The following MSRA variants were observed in gnomAD, a reference collection of about 807,000 sequenced individuals.
MSRA encodes mitochondrial peptide methionine sulfoxide reductase.
In MSRA, 54 loss-of-function variants were observed where a neutral mutation model predicts 31.3. The ratio of observed to expected loss-of-function variants is 1.73; its 90% CI spans 1.39 to 2.17. The LOEUF is 2.17. Among genes scored for constraint, MSRA ranks in the 30% most tolerant of loss-of-function variants. The probability of loss-of-function intolerance (pLI) is 0.00; values close to 1 mark genes in which losing one functional copy is unlikely to be tolerated. For synonymous variants in MSRA, 169 were observed against 116.5 expected (o/e 1.45, Z -2.90); for missense variants, 507 against 300.9 (o/e 1.69, Z -5.07).
intron 5 of MSRA, among the ~76,000 whole-genome samples, chr8:10,393,801 G>A (rs1410195495): frequency 6.6e-6 from 1 of 152,218 alleles, no homozygotes; most frequent in African/African-American, 2.4e-5. Context: ...ATTGAATTGA[G>A]ACAGTTTTGT....
At chr8:10,073,084 C>A (rs183775538) in intron 1 of MSRA, among the ~76,000 whole-genome samples, 7 of 152,122 alleles carry the variant, frequency 4.6e-5, no homozygotes, top group Admixed American at 3.9e-4. Context: ...TGCCTTATTT[C>A]AGTGGCTAGA....
At chr8:10,214,255 G>T in intron 2 of MSRA, among the ~76,000 whole-genome samples, 1 of 152,154 alleles carries the variant, frequency 6.6e-6, no homozygotes. Context: ...CGGAGCAGGG[G>T]CCCGTGGCTG....
chr8:10,365,537 CATTT>C, intron 5 of MSRA, among the ~76,000 whole-genome samples: 1 of 152,232 alleles, frequency 6.6e-6, no homozygotes, highest in Non-Finnish European at 1.5e-5. Context: ...AAGGGACTAG[CATTT>C]GATGGAGAGT....
rs141136386 is a variant in MSRA at position 10,124,012 on chromosome 8, C to T, written c.142+69354C>T. Among the ~76,000 whole-genome samples the T allele has an allele frequency of 3.8e-4, 58 of 151,908 alleles. 1 individual carries two copies. The East Asian group carries it at 7.5e-3, about 20-fold the overall frequency. ...TGAAGACAGTAGAAGTTCTGGGAGG[C>T]TGAGGTTGGGGAATGGCCCTTTGAC... On this transcript the variant is annotated intron_variant, in intron 1 of 5. Transcript: ENST00000317173.
At chr8:10,166,978 A>G (rs1262190155) in intron 1 of MSRA, among the ~76,000 whole-genome samples, 5 of 152,176 alleles carry the variant, frequency 3.3e-5, no homozygotes, top group South Asian at 2.1e-4. Flanking sequence ...CACCCAACCT[A>G]TGAGAAGAGG....
intron 1 of MSRA, among the ~76,000 whole-genome samples, chr8:10,201,420 G>T (rs1420377914): frequency 6.6e-6 from 1 of 152,110 alleles, no homozygotes; most frequent in Non-Finnish European, 1.5e-5. Flanking sequence ...CTCCCAAGAT[G>T]GCAGCTGCTG....
Position 10,117,941 on chromosome 8 carries a change from C to T in MSRA, c.142+63283C>T, listed in dbSNP as rs193191682. Among the ~76,000 whole-genome samples the T allele has an allele frequency of 2.8e-4, 43 of 152,270 alleles. 4 individuals are homozygous for T. The East Asian group carries it at 5.2e-3, about 18-fold the overall frequency. On this transcript the variant is annotated intron_variant, in intron 1 of 5. Coordinates refer to ENST00000317173, the MANE Select transcript of MSRA (RefSeq NM_012331.5). ...AACCTTTCATCTTGATCAGGAGATG[C>T]TGAAGGTAGAACATAAACAAAAACA...
intron 2 of MSRA, among the ~76,000 whole-genome samples, chr8:10,236,580 G>A (rs908472102): frequency 2.0e-5 from 3 of 152,042 alleles, no homozygotes; most frequent in Admixed American, 6.5e-5. Context: ...AGTCTCACTC[G>A]CTCACTCAAG....
At chr8:10,156,524 A>G (rs1032932506) in intron 1 of MSRA, among the ~76,000 whole-genome samples, 1 of 152,154 alleles carries the variant, frequency 6.6e-6, no homozygotes, top group African/African-American at 2.4e-5. Context: ...ATTCAATGCT[A>G]TATCGTTTGT....
At chr8:10,375,910 G>T (rs145279572) in intron 5 of MSRA, among the ~76,000 whole-genome samples, 2 of 152,308 alleles carry the variant, frequency 1.3e-5, no homozygotes, top group African/African-American at 4.8e-5. Context: ...AGGTCAATAC[G>T]ATCAGTGCTA....
intron 2 of MSRA, among the ~76,000 whole-genome samples, chr8:10,222,030 T>G (rs1810556554): frequency 6.6e-6 from 1 of 151,706 alleles, no homozygotes; most frequent in South Asian, 2.1e-4. Context: ...TAACATTTAT[T>G]TTGCACACTA....
At chr8:10,358,615 C>T (rs1229135084) in intron 5 of MSRA, among the ~76,000 whole-genome samples, 12 of 88,418 alleles carry the variant, frequency 1.4e-4, no homozygotes, top group East Asian at 5.0e-4. Flanking sequence ...TTTTTTGAGA[C>T]GGAGTCTCGC....
chr8:10,124,404 G>A (rs1021226150), intron 1 of MSRA, among the ~76,000 whole-genome samples: 1 of 152,126 alleles, frequency 6.6e-6, no homozygotes, highest in East Asian at 1.9e-4. Flanking sequence ...AACCAGACCC[G>A]TTTTTCTGTA....
intron 1 of MSRA, among the ~76,000 whole-genome samples, chr8:10,078,148 G>A (rs771651421): frequency 6.6e-6 from 1 of 152,184 alleles, no homozygotes. Flanking sequence ...AGCAACAGGT[G>A]TTTTGGATGG....
intron 5 of MSRA, among the ~76,000 whole-genome samples, chr8:10,400,583 G>A (rs1202988226): frequency 6.6e-6 from 1 of 152,216 alleles, no homozygotes; most frequent in South Asian, 2.1e-4. Flanking sequence ...CCTTGAGGCT[G>A]TAACAAGCTG....
At chr8:10,118,518 C>T (rs1376058374) in intron 1 of MSRA, among the ~76,000 whole-genome samples, 2 of 152,094 alleles carry the variant, frequency 1.3e-5, no homozygotes, top group South Asian at 4.2e-4. Flanking sequence ...TCTATTTCCC[C>T]CACCATAGAG....
intron 1 of MSRA, among the ~76,000 whole-genome samples, chr8:10,055,566 GC>G (rs1210280191): frequency 6.6e-6 from 1 of 152,198 alleles, no homozygotes; most frequent in African/African-American, 2.4e-5. Flanking sequence ...TGGGGGTGGA[GC>G]CCAACAATCT....
intron 3 of MSRA, among the ~76,000 whole-genome samples, chr8:10,260,684 G>C (rs962266778): frequency 6.6e-6 from 1 of 152,168 alleles, no homozygotes; most frequent in Non-Finnish European, 1.5e-5. Context: ...ATGAACAGCA[G>C]TTTGCATTGG....
chr8:10,252,260 A>C (rs1019712499), intron 3 of MSRA, among the ~76,000 whole-genome samples: 3 of 152,316 alleles, frequency 2.0e-5, no homozygotes, highest in Admixed American at 2.0e-4. Context: ...TAGAACACCC[A>C]AAAGAAGTTC....
Sources: gnomAD v4.1 joint callset for allele counts (sites outside exome capture counted in the v4.1 genomes callset) on GRCh38, gnomAD v4.1.1 for gene constraint, MANE v1.5 for transcripts, NCBI Gene and HGNC (gene_info 2026-07-23, HGNC 2026-07-21) for gene names.